The following NEFL variants were observed in gnomAD, a reference collection of about 807,000 sequenced individuals.
The protein encoded by NEFL is neurofilament light chain, also known as neurofilament light polypeptide.
NEFL carries 36 observed loss-of-function variants against 51.6 expected under a neutral mutation model. The ratio of observed to expected loss-of-function variants is 0.70; its 90% CI spans 0.53 to 0.92. The LOEUF (loss-of-function observed/expected upper bound fraction) is 0.92. NEFL is among the 40% of genes least tolerant of loss of function. The pLI, the probability that NEFL is intolerant of heterozygous loss-of-function variation, is 0.00. For missense variants in NEFL, 671 were observed against 722.0 expected (o/e 0.93, Z 0.81); for synonymous variants, 332 against 302.5 (o/e 1.10, Z -1.01).
chr8:24,955,981 C>T lies in NEFL; in HGVS notation c.535G>A (p.Glu179Lys). ...TCCTCGCGGCTCAGCACCTCCTCTT[C>T]ATAGCGCGCCTGCAGGTTGCGCAGG... ...ETLRNLQARY[E>K]EEVLSREDAE... The change falls in exon 1 of 4, where the codon GAA (glutamate) becomes AAA (lysine). Residue 179 changes from glutamate to lysine, a missense_variant. Transcript: ENST00000610854. The surrounding 1 kb of genome is among the most constrained non-coding windows in gnomAD (Gnocchi z 4.0). 1 of 1,603,360 alleles carries T rather than the reference C, an allele frequency of 6.2e-7. No individual in the cohort carries two copies. The highest frequency in any genetic ancestry group is 8.5e-7 in the Non-Finnish European group (1 of 1,179,096).
At position 24,951,184 on chromosome 8, in the gene NEFL, A is replaced by G. The variant is rs1360858760; in HGVS notation, c.*1626T>C. On this transcript the variant is annotated 3_prime_UTR_variant, in exon 4 of 4. Coordinates refer to ENST00000610854, the MANE Select transcript of NEFL (RefSeq NM_006158.5). ...AGACGCCTCATCTTTACAGAAGCCAATACACTGAGAGCCTTCATAGTTCCA... is the reference window on the plus strand; with the variant it reads ...AGACGCCTCATCTTTACAGAAGCCAGTACACTGAGAGCCTTCATAGTTCCA... The G allele has an allele frequency of 6.6e-6, 1 of 152,380 alleles. No individual in the cohort carries two copies. The highest frequency in any genetic ancestry group is 1.5e-5 in the Non-Finnish European group (1 of 68,046). The allele number at this position is 152,380 out of a possible 1,614,324, so 9.4% of individuals were successfully genotyped here. A position where few individuals can be genotyped will look rare whatever the true frequency, so the allele number is the denominator to read the frequency against.
intron 3 of NEFL, 48 bp downstream of exon 3, chr8:24,953,428 C>T (rs1347226896): frequency 6.5e-7 from 1 of 1,544,426 alleles, no homozygotes; most frequent in East Asian, 2.4e-5. Flanking sequence ...TAACAAATCT[C>T]CACACCCAGT....
At chr8:24,953,036 C>A in intron 3 of NEFL, 84 bp from the exon 4 acceptor site, 1 of 1,467,784 alleles carries the variant, frequency 6.8e-7, no homozygotes, top group Admixed American at 2.4e-5. Flanking sequence ...TATTTGCAAA[C>A]ACAACTGTCA....
rs769793484 is a variant in NEFL at position 24,952,847 on chromosome 8, C to T, written c.1595G>A (p.Gly532Asp). 25 of 1,611,964 alleles carry T rather than the reference C, an allele frequency of 1.6e-5. No individual in the cohort carries two copies. The highest frequency in any genetic ancestry group is 2.0e-5 in the Non-Finnish European group (24 of 1,178,212). ...EAEEEEKKVE[G>D]AGEEQAAKKK... ...CTTAGCTGCTTGTTCCTCCCCAGCACCTTCAACTTTCTTCTCCTCCTCTTC... is the reference window on the plus strand; with the variant it reads ...CTTAGCTGCTTGTTCCTCCCCAGCATCTTCAACTTTCTTCTCCTCCTCTTC... Residue 532 changes from glycine to aspartate, a missense_variant, in exon 4 of 4, where the codon GGT (glycine) becomes GAT (aspartate). Transcript: ENST00000610854.
Position 24,955,479 on chromosome 8 carries a change from G to A in NEFL, c.1037C>T (p.Ala346Val), listed in dbSNP as rs368370291. 1 of 1,605,652 alleles carries A rather than the reference G, an allele frequency of 6.2e-7. No homozygotes were observed. The highest frequency in any genetic ancestry group is 8.5e-7 in the Non-Finnish European group (1 of 1,177,488). The change falls in exon 1 of 4, where the codon GCT (alanine) becomes GTT (valine). Residue 346 changes from alanine to valine, a missense_variant. Ala to Val is a moderately conservative substitution (Grantham distance 64). Transcript: ENST00000610854. The surrounding 1 kb of genome is among the most constrained non-coding windows in gnomAD (Gnocchi z 4.0). ...TTTCTGGCCGTGCCGCACCTGCATAGCGCTGATGTCGGCGTTCTGCTTGTC... is the reference window on the plus strand; with the variant it reads ...TTTCTGGCCGTGCCGCACCTGCATAACGCTGATGTCGGCGTTCTGCTTGTC... Reference protein sequence around the residue: ...LEDKQNADISAMQDTINKLEN... With the variant: ...LEDKQNADISVMQDTINKLEN...
In NEFL at chr8:24,955,943, C is replaced by A; in HGVS notation, c.573G>T (p.Arg191=). The stretch of plus-strand genomic sequence containing the variant: ...CGGCGCCTTTGCGCGCTTCCATCAG[C>A]CGGCCCTCGGCGTCCTCGCGGCTCA... ...EVLSREDAEG[R]LMEARKGADE... Residue 191 remains arginine, a synonymous_variant, in exon 1 of 4, where the codon CGG becomes CGT. Transcript: ENST00000610854. The surrounding 1 kb of genome is among the most constrained non-coding windows in gnomAD (Gnocchi z 4.0). The A allele has an allele frequency of 1.2e-6, 2 of 1,603,330 alleles. No individual in the cohort carries two copies. The highest frequency in any genetic ancestry group is 2.2e-5 in the South Asian group (2 of 90,978).
rs941012656 is a variant in NEFL at position 24,956,592 on chromosome 8, G to A, written c.-77C>T. On this transcript the variant is annotated 5_prime_UTR_variant, in exon 1 of 4. Coordinates refer to ENST00000610854, the MANE Select transcript of NEFL (RefSeq NM_006158.5). The surrounding 1 kb of genome is among the most constrained non-coding windows in gnomAD (Gnocchi z 5.9). Reference sequence around the variant, plus strand: ...AGAGGACAGGGGAGAGAGGGAAGGGGGAGGATGGATGGCTGTGTGCGGCTC... The same window carrying A: ...AGAGGACAGGGGAGAGAGGGAAGGGAGAGGATGGATGGCTGTGTGCGGCTC... 5 of 1,384,442 alleles carry A rather than the reference G, an allele frequency of 3.6e-6. No individual in the cohort carries two copies. Among genetic ancestry groups the A allele is most frequent in the Middle Eastern group, 2.4e-4 (1 of 4,084 alleles). 85.8% of individuals were successfully genotyped at this position (1,384,442 alleles called of 1,614,324 possible).
intron 2 of NEFL, 106 bp from the exon 3 acceptor site, chr8:24,953,901 A>G (rs1803006092): frequency 7.0e-7 from 1 of 1,420,434 alleles, no homozygotes; most frequent in Non-Finnish European, 9.3e-7. Context: ...GGATTTATCA[A>G]TACTTAATGC....
At position 24,955,828 on chromosome 8, in the gene NEFL, C is replaced by T. The variant is rs758201328; in HGVS notation, c.688G>A (p.Glu230Lys). The change falls in exon 1 of 4, where the codon GAG becomes AAG. Residue 230 changes from glutamate (E) to lysine (K), a missense_variant. By Grantham distance (56) the Glu-to-Lys change is moderately conservative. Coordinates refer to ENST00000610854, the MANE Select transcript of NEFL (RefSeq NM_006158.5). This position sits in a 1 kb window ranked among gnomAD's most constrained non-coding sequence, Gnocchi z 4.0. ...ISFLKKVHEE[E>K]IAELQAQIQY... Reference sequence around the variant, plus strand: ...ATCTGCGCCTGCAGTTCGGCGATCTCCTCTTCGTGCACTTTCTTCAGAAAA... The same window carrying T: ...ATCTGCGCCTGCAGTTCGGCGATCTTCTCTTCGTGCACTTTCTTCAGAAAA... 1.2e-5 allele frequency: 19 copies of T among 1,611,498 alleles called. No individual in the cohort carries two copies. The highest frequency in any genetic ancestry group is 1.2e-5 in the Non-Finnish European group (14 of 1,179,860).
chr8:24,955,269 A>C lies in NEFL; in HGVS notation c.1044+203T>G. 1.8e-6 allele frequency: 1 copy of C among 566,594 alleles called. No homozygotes were observed. The highest frequency in any genetic ancestry group is 3.1e-6 in the Non-Finnish European group (1 of 324,134). The allele number at this position is 566,594 out of a possible 1,614,324, so 35.1% of individuals were successfully genotyped here. ...TAATGCGGAACGCCGGTGCAGCAGC[A>C]CGGAGCACACTCCCAGACTACAGTG... On this transcript the variant is annotated intron_variant, in intron 1 of 3. Coordinates refer to ENST00000610854, the MANE Select transcript of NEFL (RefSeq NM_006158.5). This position sits in a 1 kb window ranked among gnomAD's most constrained non-coding sequence, Gnocchi z 4.0.
At chr8:24,953,016 G>T in intron 3 of NEFL, 64 bp from the exon 4 acceptor site, 1 of 1,516,586 alleles carries the variant, frequency 6.6e-7, no homozygotes. Flanking sequence ...AAACATGTCT[G>T]CAAAGGTTTT....
In NEFL at chr8:24,954,209, C is replaced by G. The variant is rs956738298; in HGVS notation, c.1141G>C (p.Ala381Pro). 6.2e-7 allele frequency: 1 copy of G among 1,613,762 alleles called. No individual in the cohort carries two copies. Among genetic ancestry groups the G allele is most frequent in the African/African-American group, 1.3e-5 (1 of 74,916 alleles). Residue 381 changes from alanine (A) to proline (P), a missense_variant, in exon 2 of 4, where the codon GCT (alanine) becomes CCT (proline). Ala to Pro is a conservative substitution (Grantham distance 27, BLOSUM62 -1). Transcript: ENST00000610854. Reference sequence around the variant, plus strand: ...TAAGCTGCAATCTCAATATCCAAAGCCATCTTCACGTTGAGGAGGTCTTGG... The same window carrying G: ...TAAGCTGCAATCTCAATATCCAAAGGCATCTTCACGTTGAGGAGGTCTTGG... ...EYQDLLNVKM[A>P]LDIEIAAYRK...
chr8:24,951,539 T>A lies in NEFL; in HGVS notation c.*1271A>T, dbSNP rs540857462. ...CAATGTCCAACCAGTCAAGCTATCA[T>A]TGAAATCCAAATATCTCCCAGTAGA... On this transcript the variant is annotated 3_prime_UTR_variant, in exon 4 of 4. Transcript: ENST00000610854. The A allele has an allele frequency of 3.3e-5, 5 of 152,426 alleles. No individual in the cohort carries two copies. The East Asian group carries it at 9.6e-4, about 29-fold the overall frequency. The allele number at this position is 152,426 out of a possible 1,614,324, so 9.4% of individuals were successfully genotyped here.
In NEFL at chr8:24,951,470, C is replaced by T. The variant is rs1282882636; in HGVS notation, c.*1340G>A. The T allele has an allele frequency of 6.6e-6, 1 of 152,176 alleles. No individual in the cohort carries two copies. The highest frequency in any genetic ancestry group is 1.9e-4 in the East Asian group (1 of 5,196). The allele number at this position is 152,176 out of a possible 1,614,324, so 9.4% of individuals were successfully genotyped here. Reference sequence around the variant, plus strand: ...ATTCCACATCAAATGCAAGAGCGTTCTTAACTTTACGACAGAAAGGATACA... The same window carrying T: ...ATTCCACATCAAATGCAAGAGCGTTTTTAACTTTACGACAGAAAGGATACA... On this transcript the variant is annotated 3_prime_UTR_variant, in exon 4 of 4. Transcript: ENST00000610854.
In NEFL at chr8:24,955,724, C is replaced by G; in HGVS notation, c.792G>C (p.Gln264His). 1 of 1,613,902 alleles carries G rather than the reference C, an allele frequency of 6.2e-7. No individual in the cohort carries two copies. Among genetic ancestry groups the G allele is most frequent in the Non-Finnish European group, 8.5e-7 (1 of 1,179,888 alleles). ...TGTTCTTGGCGGCCAGCTTCTCGTA[C>G]TGCGCGCGGATGTCCTTGAGCGCGG... Reference protein sequence around the residue: ...LSAALKDIRAQYEKLAAKNMQ... With the variant: ...LSAALKDIRAHYEKLAAKNMQ... Residue 264 changes from glutamine to histidine, a missense_variant, in exon 1 of 4, where the codon CAG becomes CAC. Physicochemically the swap from Gln to His is conservative, Grantham distance 24. Coordinates refer to ENST00000610854, the MANE Select transcript of NEFL (RefSeq NM_006158.5). The surrounding 1 kb of genome is among the most constrained non-coding windows in gnomAD (Gnocchi z 4.0).
Position 24,953,810 on chromosome 8 carries a change from G to C in NEFL, c.1170-15C>G, listed in dbSNP as rs756298337. 6.3e-7 allele frequency: 1 copy of C among 1,595,852 alleles called. No individual in the cohort carries two copies. Among genetic ancestry groups the C allele is most frequent in the Non-Finnish European group, 8.5e-7 (1 of 1,170,192 alleles). ...CCAAGAGTTTCCTGGGGATGCAGAT[G>C]CAAGGTGAGGTTAAAAAACACCTGT... On this transcript the variant is annotated splice_polypyrimidine_tract_variant and intron_variant, in intron 2 of 3. Coordinates refer to ENST00000610854, the MANE Select transcript of NEFL (RefSeq NM_006158.5).
In NEFL at chr8:24,955,413, C is replaced by A; in HGVS notation, c.1044+59G>T. 6.9e-7 allele frequency: 1 copy of A among 1,454,294 alleles called. No homozygotes were observed. Among genetic ancestry groups the A allele is most frequent in the Non-Finnish European group, 9.3e-7 (1 of 1,080,568 alleles). 90.1% of individuals were successfully genotyped at this position (1,454,294 alleles called of 1,614,324 possible). On this transcript the variant is annotated intron_variant, in intron 1 of 3. Transcript: ENST00000610854. This position sits in a 1 kb window ranked among gnomAD's most constrained non-coding sequence, Gnocchi z 4.0. ...ACCCCTGGTCTCCACTTTCTGGGCG[C>A]ACCAACTCCCCCCCTTGCTCGAGTC...
intron 2 of NEFL, 80 bp from the exon 3 acceptor site, chr8:24,953,875 A>G (rs1172904207): frequency 6.8e-7 from 1 of 1,476,442 alleles, no homozygotes; most frequent in East Asian, 2.5e-5. Context: ...CACAAAGGCA[A>G]GCAGGAGCAG....
chr8:24,956,510 A>G lies in NEFL; in HGVS notation c.6T>C (p.Ser2=). The part of the protein sequence containing the change: M[S]SFSYEPYYST... ...AGTAGTACGGCTCGTAGCTGAAGGA[A>G]CTCATGGTGGCGGCCGGTGGCTCCC... The change falls in exon 1 of 4, where the codon AGT becomes AGC. Residue 2 remains serine, a synonymous_variant. Coordinates refer to ENST00000610854, the MANE Select transcript of NEFL (RefSeq NM_006158.5). The surrounding 1 kb of genome is among the most constrained non-coding windows in gnomAD (Gnocchi z 5.9). The G allele has an allele frequency of 1.3e-6, 2 of 1,593,276 alleles. No homozygotes were observed. Among genetic ancestry groups the G allele is most frequent in the African/African-American group, 1.3e-5 (1 of 74,464 alleles).
Sources: gnomAD v4.1 joint callset for allele counts on GRCh38, gnomAD v4.1.1 for gene constraint, Gnocchi (gnomAD v3.1) non-coding constraint, MANE v1.5 for transcripts, NCBI Gene and HGNC (gene_info 2026-07-23, HGNC 2026-07-21) for gene names.